The following CENPP variants were observed in gnomAD, a reference collection of about 807,000 sequenced individuals.
CENPP encodes the protein centromere protein P.
CENPP carries 24 observed loss-of-function variants against 35.6 expected under a neutral mutation model. That is an observed-to-expected ratio of 0.67 (90% CI 0.49 to 0.95). The LOEUF (loss-of-function observed/expected upper bound fraction) is 0.95. Ranked by LOEUF, CENPP falls within the 40% of genes least tolerant of loss-of-function variation. The pLI is 0.00. For missense variants in CENPP, 332 were observed against 345.3 expected, an observed-to-expected ratio of 0.96 and a Z score of 0.31; for synonymous variants, 120 against 125.5, an observed-to-expected ratio of 0.96 and a Z score of 0.29.
At chr9:92,569,987 T>C (rs1015433217) in intron 5 of CENPP, among the ~76,000 whole-genome samples, 3 of 152,210 alleles carry the variant, frequency 2.0e-5, no homozygotes, top group African/African-American at 2.4e-5. Flanking sequence ...TGGGCTGAGA[T>C]GATGGGGTTT....
Position 92,593,879 on chromosome 9 carries a change from A to G in CENPP, c.565-17435A>G, listed in dbSNP as rs1238608460. On this transcript the variant is annotated intron_variant, in intron 5 of 7. Transcript: ENST00000375587. The surrounding 1 kb of genome is among the most constrained non-coding windows in gnomAD (Gnocchi z 4.1). ...AGGGAACCCGGTAGAGAAGCCAAGA[A>G]TATAGGTACACTTTGCTACCTTTCT... Among the ~76,000 whole-genome samples the G allele has an allele frequency of 6.6e-6, 1 of 152,250 alleles. No homozygotes were observed. The highest frequency in any genetic ancestry group is 1.5e-5 in the Non-Finnish European group (1 of 68,036).
At chr9:92,540,368 G>T (rs1849288163) in intron 5 of CENPP, among the ~76,000 whole-genome samples, 2 of 150,854 alleles carry the variant, frequency 1.3e-5, no homozygotes, top group Non-Finnish European at 2.9e-5. Context: ...AACCCAGGCG[G>T]CAAAGGTCGC....
intron 5 of CENPP, among the ~76,000 whole-genome samples, chr9:92,564,635 C>T (rs1026511729): frequency 7.9e-5 from 12 of 152,068 alleles, no homozygotes; most frequent in African/African-American, 2.9e-4. Context: ...TAATATAATC[C>T]ATTCTGTGGA....
At chr9:92,419,680 G>A (rs1254104001) in intron 5 of CENPP, among the ~76,000 whole-genome samples, 2 of 152,116 alleles carry the variant, frequency 1.3e-5, no homozygotes, top group Non-Finnish European at 2.9e-5. Flanking sequence ...TACTTTGCAC[G>A]TTGAAAACTG....
intron 1 of CENPP, 74 bp downstream of exon 1, chr9:92,326,179 C>T: frequency 1.1e-6 from 1 of 924,042 alleles, no homozygotes; most frequent in East Asian, 2.8e-5. Flanking sequence ...TCTCCACAGA[C>T]ATCCTCGGTC....
chr9:92,481,541 A>C (rs1413027575), intron 5 of CENPP, among the ~76,000 whole-genome samples: 1 of 152,206 alleles, frequency 6.6e-6, no homozygotes, highest in Non-Finnish European at 1.5e-5. Context: ...TAGGGAGTAG[A>C]ATATTGAATA....
intron 5 of CENPP, among the ~76,000 whole-genome samples, chr9:92,430,700 T>C (rs1227896936): frequency 6.6e-6 from 1 of 152,104 alleles, no homozygotes; most frequent in East Asian, 1.9e-4. Flanking sequence ...TTTTGTGTTA[T>C]AGTTACTTCT....
intron 2 of CENPP, among the ~76,000 whole-genome samples, chr9:92,335,282 G>T (rs1216487599): frequency 6.6e-6 from 1 of 152,066 alleles, no homozygotes; most frequent in Non-Finnish European, 1.5e-5. Context: ...CATCTATAAA[G>T]AAAAAATAAA....
chr9:92,551,944 TA>T (rs1348592299), intron 5 of CENPP, among the ~76,000 whole-genome samples: 26 of 129,918 alleles, frequency 2.0e-4, no homozygotes, highest in Middle Eastern at 4.2e-3. Context: ...TATATATATA[TA>T]TATATATGAT....
At position 92,459,713 on chromosome 9, in the gene CENPP, T is replaced by G. The variant is rs979357108; in HGVS notation, c.564+79854T>G. 2.5e-6 allele frequency: 4 copies of G among 1,613,302 alleles called. No individual in the cohort carries two copies. The African/African-American group carries it at 5.3e-5, about 22-fold the overall frequency. ...CCAAATGTATTTCTCTCACACGTGG[T>G]ATGTTAGCAAGACTCCCATTTTCGA... is the stretch of plus-strand genomic sequence containing the variant. On this transcript the variant is annotated intron_variant, in intron 5 of 7. Coordinates refer to ENST00000375587, the MANE Select transcript of CENPP (RefSeq NM_001012267.3).
chr9:92,472,430 C>T (rs560744552), intron 5 of CENPP, among the ~76,000 whole-genome samples: 9 of 151,460 alleles, frequency 5.9e-5, no homozygotes, highest in East Asian at 5.9e-4. Context: ...GAGGCCGAGT[C>T]GGGTGGATCA....
chr9:92,496,917 C>T (rs1405129648), intron 5 of CENPP, among the ~76,000 whole-genome samples: 1 of 151,542 alleles, frequency 6.6e-6, no homozygotes, highest in Admixed American at 6.6e-5. Flanking sequence ...TACTGGCATA[C>T]CACTTTTTAT....
At position 92,613,305 on chromosome 9, in the gene CENPP, G is replaced by A. The variant is rs1851329144; in HGVS notation, c.*156G>A. Reference sequence around the variant, plus strand: ...CATTATATGGAAACTCTCATGACATGAAAAATAAATACAACTAGTTAAGTA... The same window carrying A: ...CATTATATGGAAACTCTCATGACATAAAAAATAAATACAACTAGTTAAGTA... On this transcript the variant is annotated 3_prime_UTR_variant, in exon 8 of 8. Coordinates refer to ENST00000375587, the MANE Select transcript of CENPP (RefSeq NM_001012267.3). 1.3e-6 allele frequency: 1 copy of A among 764,826 alleles called. No individual in the cohort carries two copies. Among genetic ancestry groups the A allele is most frequent in the Non-Finnish European group, 2.1e-6 (1 of 480,792 alleles). The allele number at this position is 764,826 out of a possible 1,614,324, so 47.4% of individuals were successfully genotyped here.
At chr9:92,427,175 T>C (rs1232325488) in intron 5 of CENPP, among the ~76,000 whole-genome samples, 7 of 152,242 alleles carry the variant, frequency 4.6e-5, no homozygotes, top group Non-Finnish European at 1.5e-5. Flanking sequence ...ATCTTTTTTG[T>C]TGTTGTTGAG....
intron 5 of CENPP, among the ~76,000 whole-genome samples, chr9:92,546,511 C>G (rs550107626): frequency 6.6e-6 from 1 of 152,090 alleles, no homozygotes; most frequent in Non-Finnish European, 1.5e-5. Context: ...CAACTCCAGA[C>G]GCACCGCCTT....
rs559814180 is a variant in CENPP at position 92,327,072 on chromosome 9, G to A, written c.107+967G>A. 2.0e-5 allele frequency among the ~76,000 whole-genome samples: 3 copies of A among 152,360 alleles called. No individual in the cohort carries two copies. In the South Asian group the frequency reaches 6.2e-4, roughly 32 times the overall value. On this transcript the variant is annotated intron_variant, in intron 1 of 7. Transcript: ENST00000375587. ...CTTGCTATTTGAGGTGTGCTCCACA[G>A]ATGGGACGCTTTAGCATTACCTGGC...
chr9:92,575,796 A>G (rs1365677773), intron 5 of CENPP, among the ~76,000 whole-genome samples: 1 of 151,950 alleles, frequency 6.6e-6, no homozygotes, highest in Non-Finnish European at 1.5e-5. Flanking sequence ...TGGGTGACAG[A>G]GTGAGACTCC....
intron 5 of CENPP, among the ~76,000 whole-genome samples, chr9:92,410,449 A>G (rs1349142990): frequency 1.3e-5 from 2 of 152,220 alleles, no homozygotes; most frequent in Non-Finnish European, 2.9e-5. Flanking sequence ...ACTCTGGGGC[A>G]GGGAAGCCAG....
At chr9:92,482,227 T>C (rs1431887801) in intron 5 of CENPP, 1 of 152,186 alleles carries the variant, frequency 6.6e-6, no homozygotes, top group Non-Finnish European at 1.5e-5. Flanking sequence ...ATTAATAACA[T>C]TAATGTCTCC....
Sources: gnomAD v4.1 joint callset for allele counts (sites outside exome capture counted in the v4.1 genomes callset) on GRCh38, gnomAD v4.1.1 for gene constraint, Gnocchi (gnomAD v3.1) non-coding constraint, MANE v1.5 for transcripts, NCBI Gene and HGNC (gene_info 2026-07-23, HGNC 2026-07-21) for gene names.